The following EYS variants were observed in gnomAD, a reference collection of about 807,000 sequenced individuals.
EYS encodes EGF-like photoreceptor maintenance factor.
In EYS, 250 loss-of-function variants were observed where a neutral mutation model predicts 282.1. The ratio of observed to expected loss-of-function variants is 0.89; its 90% CI spans 0.80 to 0.98. The LOEUF (loss-of-function observed/expected upper bound fraction) is 0.98, where lower values mean the gene tolerates loss of function less well. Ranked by LOEUF, EYS falls within the 50% of genes least tolerant of loss-of-function variation. The pLI is 0.00. For missense variants in EYS, 4,016 were observed against 3,709.0 expected, an observed-to-expected ratio of 1.08 and a Z score of -2.15; for synonymous variants, 1,355 against 1,282.9, an observed-to-expected ratio of 1.06 and a Z score of -1.20.
chr6:63,769,886 A>G (rs1769888564), intron 40 of EYS, among the ~76,000 whole-genome samples: 1 of 152,090 alleles, frequency 6.6e-6, no homozygotes, highest in African/African-American at 2.4e-5. Context: ...TAAAAAATTA[A>G]CTGAAAATGA....
At chr6:65,362,933 A>G (rs9453276) in intron 8 of EYS, among the ~76,000 whole-genome samples, 102,389 of 151,936 alleles carry the variant, frequency 0.67, 34,602 homozygotes, top group South Asian at 0.71. Flanking sequence ...TCTTTAGAGA[A>G]TGAAATCACC....
intron 26 of EYS, among the ~76,000 whole-genome samples, chr6:64,547,798 G>A (rs6918550): frequency 0.016 from 2,486 of 152,288 alleles, 60 homozygotes; most frequent in African/African-American, 0.056. Context: ...GGGGCGGCTC[G>A]GGCTGCGCAG....
intron 8 of EYS, among the ~76,000 whole-genome samples, chr6:65,366,576 T>A (rs1764921088): frequency 6.6e-6 from 1 of 151,806 alleles, no homozygotes; most frequent in African/African-American, 2.4e-5. Context: ...CTTTAATGAT[T>A]TTCAGCTAGC....
intron 31 of EYS, among the ~76,000 whole-genome samples, chr6:64,169,734 A>G (rs1764419259): frequency 6.6e-6 from 1 of 152,020 alleles, no homozygotes; most frequent in Non-Finnish European, 1.5e-5. Context: ...CTCAAACAGA[A>G]GTCCGGGCCC....
At chr6:64,687,219 CT>C (rs1326920960) in intron 22 of EYS, among the ~76,000 whole-genome samples, 2 of 151,858 alleles carry the variant, frequency 1.3e-5, no homozygotes, top group Non-Finnish European at 2.9e-5. Flanking sequence ...ATACTGAAAT[CT>C]GACAAATATA....
intron 21 of EYS, among the ~76,000 whole-genome samples, chr6:64,814,145 C>A (rs182170743): frequency 1.8e-4 from 28 of 152,208 alleles, no homozygotes; most frequent in Admixed American, 1.2e-3. Context: ...TTTCCCCATG[C>A]ATTTGTCCAA....
intron 12 of EYS, among the ~76,000 whole-genome samples, chr6:65,275,083 T>C (rs1768010743): frequency 6.6e-6 from 1 of 152,198 alleles, no homozygotes; most frequent in Non-Finnish European, 1.5e-5. Context: ...CTGTGCAAGC[T>C]ACTCTGTCCC....
At chr6:64,150,655 C>T (rs544182430) in intron 31 of EYS, among the ~76,000 whole-genome samples, 1 of 151,970 alleles carries the variant, frequency 6.6e-6, no homozygotes, top group East Asian at 1.9e-4. Context: ...ATATATGTAC[C>T]AAAATATATA....
At chr6:63,780,798 A>G (rs539501652) in intron 39 of EYS, among the ~76,000 whole-genome samples, 381 of 152,052 alleles carry the variant, frequency 2.5e-3, no homozygotes, top group Non-Finnish European at 4.4e-3. Context: ...ATTGCTTTTG[A>G]TGTTTTAGAC....
chr6:64,508,312 A>AAAATAT (rs66972533), intron 26 of EYS, among the ~76,000 whole-genome samples: 62,276 of 151,096 alleles, frequency 0.41, 13,328 homozygotes, highest in African/African-American at 0.56. Context: ...AAAGCTAAAT[A>AAAATAT]AAATATAAAT....
intron 1 of EYS, among the ~76,000 whole-genome samples, chr6:65,673,516 A>C (rs536276122): frequency 2.0e-5 from 3 of 152,138 alleles, no homozygotes; most frequent in Non-Finnish European, 4.4e-5. Context: ...ATACACTTAG[A>C]GAGTGGCCAA....
At chr6:65,478,450 A>C (rs10944811) in intron 5 of EYS, among the ~76,000 whole-genome samples, 28,347 of 152,058 alleles carry the variant, frequency 0.19, 3,272 homozygotes, top group Middle Eastern at 0.3. Context: ...AGCTAAAATT[A>C]ATTATATGCT....
At chr6:65,042,466 T>C (rs1469345135) in intron 13 of EYS, among the ~76,000 whole-genome samples, 4 of 151,562 alleles carry the variant, frequency 2.6e-5, no homozygotes. Context: ...TTTGGTTAAA[T>C]ATTTTTATTA....
intron 9 of EYS, among the ~76,000 whole-genome samples, chr6:65,344,836 G>A (rs967736393): frequency 6.6e-6 from 1 of 151,504 alleles, no homozygotes; most frequent in East Asian, 2.0e-4. Flanking sequence ...CATTAATAGT[G>A]GTAATAAAAG....
chr6:63,871,930 C>T (rs950622397), intron 35 of EYS, among the ~76,000 whole-genome samples: 2 of 152,148 alleles, frequency 1.3e-5, no homozygotes, highest in Non-Finnish European at 2.9e-5. Context: ...TTCCACAGCA[C>T]CTCCCCTGGA....
intron 22 of EYS, among the ~76,000 whole-genome samples, chr6:64,755,616 A>G (rs1240520619): frequency 3.3e-5 from 5 of 151,908 alleles, no homozygotes; most frequent in Non-Finnish European, 7.4e-5. Flanking sequence ...ATGGGAGAGC[A>G]TTATCCTAAG....
At chr6:65,216,295 C>G (rs1183275698) in intron 12 of EYS, among the ~76,000 whole-genome samples, 3 of 151,894 alleles carry the variant, frequency 2.0e-5, no homozygotes, top group Admixed American at 2.0e-4. Context: ...AGTGTGGGTT[C>G]TGTACACGTC....
intron 26 of EYS, among the ~76,000 whole-genome samples, chr6:64,535,968 T>G (rs929561528): frequency 2.0e-5 from 3 of 152,120 alleles, no homozygotes; most frequent in African/African-American, 7.2e-5. Flanking sequence ...TACAACTTAC[T>G]TCTTTAAGGC....
intron 22 of EYS, among the ~76,000 whole-genome samples, chr6:64,806,463 C>T (rs1469064928): frequency 6.6e-6 from 1 of 151,762 alleles, no homozygotes; most frequent in Admixed American, 6.6e-5. Flanking sequence ...TATAGGATAT[C>T]GTGGTCCCTA....
Sources: gnomAD v4.1 joint callset for allele counts (sites outside exome capture counted in the v4.1 genomes callset) on GRCh38, gnomAD v4.1.1 for gene constraint, MANE v1.5 for transcripts, NCBI Gene and HGNC (gene_info 2026-07-23, HGNC 2026-07-21) for gene names.